The following ATG4C variants were observed in gnomAD, a reference collection of about 807,000 sequenced individuals.
The protein encoded by ATG4C is cysteine protease ATG4C.
Under a neutral mutation model 57.6 loss-of-function variants are expected in ATG4C, and 56 were observed. That is an observed-to-expected ratio of 0.97 (90% confidence interval 0.78 to 1.21). ATG4C has a LOEUF of 1.21. ATG4C is among the 50% of genes most tolerant of loss of function. The pLI is 0.00. For missense variants in ATG4C, 595 were observed against 529.8 expected (o/e 1.12, Z -1.21); for synonymous variants, 157 against 174.1 (o/e 0.90, Z 0.78).
chr1:62,821,895 A>T (rs1196508925), intron 6 of ATG4C, among the ~76,000 whole-genome samples: 1 of 152,156 alleles, frequency 6.6e-6, no homozygotes, highest in Non-Finnish European at 1.5e-5. Flanking sequence ...TTTATGCATG[A>T]GACCAAGTTT....
intron 9 of ATG4C, chr1:62,835,411 T>A (rs1162534845): frequency 1.7e-5 from 6 of 353,412 alleles, no homozygotes; most frequent in Non-Finnish European, 5.8e-6. Context: ...AGTATTTTAA[T>A]TCAGAAAAAT....
At chr1:62,795,741 A>ATTGC (rs1664440235) in intron 1 of ATG4C, among the ~76,000 whole-genome samples, 1 of 151,948 alleles carries the variant, frequency 6.6e-6, no homozygotes, top group South Asian at 2.1e-4. Flanking sequence ...AGGCAGGAGG[A>ATTGC]TTGCTTGAAT....
intron 5 of ATG4C, among the ~76,000 whole-genome samples, chr1:62,820,272 A>C (rs1441039068): frequency 6.6e-6 from 1 of 152,042 alleles, no homozygotes; most frequent in Non-Finnish European, 1.5e-5. Context: ...GTGAAGTGAC[A>C]ATAGTAAATA....
intron 10 of ATG4C, among the ~76,000 whole-genome samples, chr1:62,858,348 A>G (rs891917967): frequency 3.9e-5 from 6 of 152,190 alleles, no homozygotes; most frequent in South Asian, 2.1e-4. Context: ...GAACAAAACT[A>G]CCTATGCTTA....
intron 7 of ATG4C, among the ~76,000 whole-genome samples, chr1:62,832,439 G>A (rs7527905): frequency 0.38 from 58,013 of 152,010 alleles, 11,858 homozygotes; most frequent in East Asian, 0.66. Flanking sequence ...TCCTTGCTGC[G>A]CTCTCACATG....
At chr1:62,798,604 A>C (rs1219489203) in intron 1 of ATG4C, among the ~76,000 whole-genome samples, 1 of 151,042 alleles carries the variant, frequency 6.6e-6, no homozygotes, top group Non-Finnish European at 1.5e-5. Flanking sequence ...ATAATCTCTG[A>C]TTTCTCCAAA....
chr1:62,823,107 A>G (rs564816495), intron 6 of ATG4C, among the ~76,000 whole-genome samples: 144 of 152,316 alleles, frequency 9.5e-4, no homozygotes, highest in African/African-American at 2.9e-3. Context: ...GTGAACTGAT[A>G]TTGTGCCACT....
intron 9 of ATG4C, among the ~76,000 whole-genome samples, chr1:62,835,778 A>G (rs969844027): frequency 2.0e-5 from 3 of 152,038 alleles, no homozygotes; most frequent in South Asian, 4.1e-4. Context: ...GGTCAGGTCT[A>G]TTTTGTTCTT....
At chr1:62,842,227 A>G (rs1285339207) in intron 10 of ATG4C, among the ~76,000 whole-genome samples, 2 of 152,024 alleles carry the variant, frequency 1.3e-5, no homozygotes, top group Admixed American at 6.6e-5. Context: ...ACATAGTTTG[A>G]TAGCTCTTTA....
At position 62,802,307 on chromosome 1, in the gene ATG4C, G is replaced by A. The variant is rs116533280; in HGVS notation, c.-68-1412G>A. ...CCTAGTCCTGTATAATACAGGTTGA[G>A]CATCCTTAATCCGAAAATCAGAAAT... On this transcript the variant is annotated intron_variant, in intron 1 of 10. Transcript: ENST00000317868. Among the ~76,000 whole-genome samples, 1,269 of 152,090 alleles carry A rather than the reference G, an allele frequency of 8.3e-3. 37 individuals are homozygous for A. The highest frequency in any genetic ancestry group is 0.029 in the African/African-American group (1,186 of 41,470).
In ATG4C at chr1:62,805,206, A is replaced by G. The variant is rs1664818451; in HGVS notation, c.111A>G (p.Arg37=). ...WVLKTKTYFS[R]NSPVLLLGKC... ...TGAAAACAAAGACGTATTTTAGTAG[A>G]AATTCTCCTGTATTATTGCTTGGAA... Residue 37 remains arginine, a synonymous_variant, in exon 3 of 11, where the codon AGA becomes AGG. Transcript: ENST00000317868. 6.6e-7 allele frequency: 1 copy of G among 1,525,430 alleles called. No individual in the cohort carries two copies. The highest frequency in any genetic ancestry group is 8.7e-7 in the Non-Finnish European group (1 of 1,147,174). The allele number at this position is 1,525,430 out of a possible 1,614,324, so 94.5% of individuals were successfully genotyped here.
At position 62,811,563 on chromosome 1, in the gene ATG4C, A is replaced by T. The variant is rs115887559; in HGVS notation, c.161-5012A>T. On this transcript the variant is annotated intron_variant, in intron 3 of 10. Transcript: ENST00000317868. ...ATTAAGAATTTATTTTATTTTTAAT[A>T]AGCCTCATCTTTCCACAGATTGCAT... Among the ~76,000 whole-genome samples, 1,207 of 152,282 alleles carry T rather than the reference A, an allele frequency of 7.9e-3. 14 individuals are homozygous for T. The highest frequency in any genetic ancestry group is 0.027 in the African/African-American group (1,134 of 41,548).
chr1:62,848,494 C>T (rs1666395758), intron 10 of ATG4C, among the ~76,000 whole-genome samples: 1 of 152,146 alleles, frequency 6.6e-6, no homozygotes, highest in Non-Finnish European at 1.5e-5. Context: ...TAAATTCTCT[C>T]AGCTTTTGTT....
intron 10 of ATG4C, among the ~76,000 whole-genome samples, chr1:62,855,584 A>G (rs1666657151): frequency 6.6e-6 from 1 of 152,186 alleles, no homozygotes; most frequent in African/African-American, 2.4e-5. Flanking sequence ...TAGCTGCAAA[A>G]CACAATTTAT....
chr1:62,854,402 C>T (rs1410874761), intron 10 of ATG4C, among the ~76,000 whole-genome samples: 3 of 151,754 alleles, frequency 2.0e-5, no homozygotes, highest in Non-Finnish European at 2.9e-5. Context: ...CTCAGCCTCC[C>T]GAGTAGCTGG....
Position 62,864,284 on chromosome 1 carries a change from C to A in ATG4C, c.*125C>A. 3.9e-6 allele frequency: 3 copies of A among 777,796 alleles called. No individual in the cohort carries two copies. The highest frequency in any genetic ancestry group is 2.0e-5 in the South Asian group (1 of 48,998). The allele number at this position is 777,796 out of a possible 1,614,324, so 48.2% of individuals were successfully genotyped here. Reference sequence around the variant, plus strand: ...ATTTTATATGTTCTTTAAAAAAGAACATTTGAAAATATAACAGTTAAAGAT... The same window carrying A: ...ATTTTATATGTTCTTTAAAAAAGAAAATTTGAAAATATAACAGTTAAAGAT... On this transcript the variant is annotated 3_prime_UTR_variant, in exon 11 of 11. Coordinates refer to ENST00000317868, the MANE Select transcript of ATG4C (RefSeq NM_032852.4).
At chr1:62,795,834 T>TA (rs112840341) in intron 1 of ATG4C, among the ~76,000 whole-genome samples, 319 of 139,588 alleles carry the variant, frequency 2.3e-3, no homozygotes, top group South Asian at 4.7e-3. Context: ...CCTTTTTACT[T>TA]AAAAAAAAAA....
chr1:62,843,559 A>G (rs1206331671), intron 10 of ATG4C, among the ~76,000 whole-genome samples: 2 of 152,180 alleles, frequency 1.3e-5, no homozygotes, highest in Non-Finnish European at 2.9e-5. Flanking sequence ...TATAAGATGT[A>G]TCTTTTCAGT....
intron 10 of ATG4C, among the ~76,000 whole-genome samples, chr1:62,852,666 A>G (rs1242148985): frequency 6.6e-6 from 1 of 151,982 alleles, no homozygotes; most frequent in African/African-American, 2.4e-5. Context: ...TGCTATGATT[A>G]CATTTCTTTT....
Sources: gnomAD v4.1 joint callset for allele counts (sites outside exome capture counted in the v4.1 genomes callset) on GRCh38, gnomAD v4.1.1 for gene constraint, MANE v1.5 for transcripts, NCBI Gene and HGNC (gene_info 2026-07-23, HGNC 2026-07-21) for gene names.